Variants in ENTREP2 observed in about 807,000 individuals in gnomAD.
ENTREP2 encodes the protein endosomal transmembrane epsin interactor 2.
chr15:29,642,367 G>A, the ENTREP2 span, among the ~76,000 whole-genome samples: 1 of 151,420 alleles, frequency 6.6e-6, no homozygotes, highest in Non-Finnish European at 1.5e-5. Flanking sequence ...TTCATTAATG[G>A]TGCCAAAACC....
the ENTREP2 span, among the ~76,000 whole-genome samples, chr15:29,321,878 T>G: frequency 6.6e-6 from 1 of 152,104 alleles, no homozygotes; most frequent in Non-Finnish European, 1.5e-5. Flanking sequence ...AATGCTGGGC[T>G]TAATACCTAG....
chr15:29,483,814 C>A, the ENTREP2 span, among the ~76,000 whole-genome samples: 2 of 152,208 alleles, frequency 1.3e-5, no homozygotes, highest in African/African-American at 4.8e-5. Flanking sequence ...TCCTCAAAAT[C>A]ACTTGCTGAG....
At chr15:29,523,924 AT>A in the ENTREP2 span, among the ~76,000 whole-genome samples, 1 of 152,184 alleles carries the variant, frequency 6.6e-6, no homozygotes, top group Non-Finnish European at 1.5e-5. Flanking sequence ...AGGTAAAACT[AT>A]GAAACTCTTA....
At chr15:29,549,096 T>C in the ENTREP2 span, among the ~76,000 whole-genome samples, 1 of 152,136 alleles carries the variant, frequency 6.6e-6, no homozygotes, top group Non-Finnish European at 1.5e-5. Flanking sequence ...CCATTAACCA[T>C]CAGCTGTCTC....
chr15:29,269,473 C>T, the ENTREP2 span: 2 of 1,612,346 alleles, frequency 1.2e-6, no homozygotes, highest in African/African-American at 1.3e-5. Flanking sequence ...GCTCCTGGGC[C>T]CCACGGCGGG....
At chr15:29,125,527 G>T in the ENTREP2 span, among the ~76,000 whole-genome samples, 6 of 152,108 alleles carry the variant, frequency 3.9e-5, no homozygotes, top group African/African-American at 1.4e-4. Context: ...ATCGAGGGGA[G>T]ACTGAGCCAG....
chr15:29,490,123 C>G, the ENTREP2 span, among the ~76,000 whole-genome samples: 2 of 152,186 alleles, frequency 1.3e-5, no homozygotes, highest in African/African-American at 4.8e-5. Flanking sequence ...CTCGGTCTCA[C>G]TGACTTCAAG....
chr15:29,475,697 C>T, the ENTREP2 span, among the ~76,000 whole-genome samples: 1 of 152,150 alleles, frequency 6.6e-6, no homozygotes, highest in Non-Finnish European at 1.5e-5. Context: ...GCCGTACCAT[C>T]CCGCAGAGGG....
chr15:29,446,519 C>A, the ENTREP2 span, among the ~76,000 whole-genome samples: 5 of 152,176 alleles, frequency 3.3e-5, no homozygotes, highest in Non-Finnish European at 5.9e-5. Flanking sequence ...AGCCAACATG[C>A]CAAAGTTGGC....
the ENTREP2 span, among the ~76,000 whole-genome samples, chr15:29,534,524 C>T: frequency 2.6e-5 from 4 of 152,170 alleles, no homozygotes; most frequent in Non-Finnish European, 4.4e-5. Flanking sequence ...CTATAAATGA[C>T]CCAGATTAGT....
At chr15:29,362,367 CTTT>C in the ENTREP2 span, among the ~76,000 whole-genome samples, 3 of 91,498 alleles carry the variant, frequency 3.3e-5, no homozygotes, top group South Asian at 7.9e-4. Context: ...TGTTTTTAAT[CTTT>C]TTTTTTTTTT....
chr15:29,141,023 C>T, the ENTREP2 span, among the ~76,000 whole-genome samples: 3 of 152,252 alleles, frequency 2.0e-5, no homozygotes, highest in Non-Finnish European at 4.4e-5. Context: ...GCTCAGTCTG[C>T]TCCGGGGAGA....
chr15:29,220,385 C>T, the ENTREP2 span, among the ~76,000 whole-genome samples: 8 of 152,304 alleles, frequency 5.3e-5, no homozygotes, highest in African/African-American at 1.7e-4. Flanking sequence ...ATTTTTGGCT[C>T]TGCATTGCAT....
the ENTREP2 span, among the ~76,000 whole-genome samples, chr15:29,320,261 T>G: frequency 1.3e-5 from 2 of 151,970 alleles, no homozygotes; most frequent in Non-Finnish European, 2.9e-5. Flanking sequence ...CAAATTACAG[T>G]TGAAGGAGCT....
At chr15:29,157,147 A>C in the ENTREP2 span, among the ~76,000 whole-genome samples, 4 of 152,098 alleles carry the variant, frequency 2.6e-5, no homozygotes, top group Admixed American at 2.6e-4. Flanking sequence ...GGACATGTGG[A>C]GGCTGAGTTA....
the ENTREP2 span, among the ~76,000 whole-genome samples, chr15:29,168,337 T>A: frequency 5.3e-5 from 8 of 151,990 alleles, no homozygotes; most frequent in African/African-American, 1.9e-4. Context: ...AAAAAGAATT[T>A]AAAAAAACCT....
chr15:29,374,273 T>C, the ENTREP2 span: 1 of 152,170 alleles, frequency 6.6e-6, no homozygotes. Flanking sequence ...GTTTCCTTTT[T>C]CCTGTTTTCT....
chr15:29,551,261 A>T, the ENTREP2 span, among the ~76,000 whole-genome samples: 1 of 152,140 alleles, frequency 6.6e-6, no homozygotes. Flanking sequence ...CGTAGTGGGC[A>T]CAAGCAGGGT....
the ENTREP2 span, among the ~76,000 whole-genome samples, chr15:29,461,997 T>C: frequency 6.6e-6 from 1 of 152,164 alleles, no homozygotes; most frequent in Admixed American, 6.6e-5. Flanking sequence ...AGTGAAGTCA[T>C]ACAGTTATTC....
Sources: allele counts gnomAD v4.1 joint callset (sites outside exome capture counted in the v4.1 genomes callset), GRCh38; gene constraint gnomAD v4.1.1; transcripts MANE v1.5; gene names NCBI Gene and HGNC (gene_info 2026-07-23, HGNC 2026-07-21).